Variants in LIN28B observed in about 807,000 individuals in gnomAD.
LIN28B encodes the protein lin-28 RNA binding posttranscriptional regulator B.
In LIN28B, 5 loss-of-function variants were observed where a neutral mutation model predicts 21.9. The observed-to-expected ratio is 0.23, with a 90% confidence interval of 0.12 to 0.48. The LOEUF (loss-of-function observed/expected upper bound fraction) is 0.48, where lower values mean the gene tolerates loss of function less well. Among genes scored for constraint, LIN28B ranks in the 20% least tolerant of loss-of-function variants. The pLI, the probability that LIN28B is intolerant of heterozygous loss-of-function variation, is 0.98. For missense variants in LIN28B, 245 were observed against 310.5 expected (o/e 0.79, Z 1.58); for synonymous variants, 109 against 111.3 (o/e 0.98, Z 0.13).
At chr6:104,980,657 C>A (rs1770200554) in intron 2 of LIN28B, among the ~76,000 whole-genome samples, 1 of 152,024 alleles carries the variant, frequency 6.6e-6, no homozygotes, top group South Asian at 2.1e-4. Context: ...AGCCTTTATG[C>A]CTTTTGTAAA....
intron 3 of LIN28B, among the ~76,000 whole-genome samples, chr6:105,038,895 A>G (rs941692144): frequency 1.3e-5 from 2 of 152,232 alleles, no homozygotes; most frequent in Non-Finnish European, 2.9e-5. Context: ...CAGAAATTTC[A>G]AAGTCTGACA....
At chr6:104,978,149 T>C (rs142010354) in intron 2 of LIN28B, among the ~76,000 whole-genome samples, 3,244 of 152,354 alleles carry the variant, frequency 0.021, 52 homozygotes, top group Middle Eastern at 0.048. Flanking sequence ...AGTTTTGGGC[T>C]ACTGCCCCCC....
Position 105,080,110 on chromosome 6 carries a change from T to A in LIN28B, c.*1327T>A, listed in dbSNP as rs1211369661. 2.0e-5 allele frequency: 3 copies of A among 152,452 alleles called. No homozygotes were observed. The highest frequency in any genetic ancestry group is 4.4e-5 in the Non-Finnish European group (3 of 68,042). The allele number at this position is 152,452 out of a possible 1,614,324, so 9.4% of individuals were successfully genotyped here. ...TATATGGTGGATACAGGATGAACAT[T>A]CAGTGCCAGGGAGAATCTTCTCAGG... On this transcript the variant is annotated 3_prime_UTR_variant, in exon 4 of 4. Transcript: ENST00000345080.
intron 3 of LIN28B, among the ~76,000 whole-genome samples, chr6:105,046,212 T>C (rs1052528756): frequency 1.3e-5 from 2 of 152,124 alleles, no homozygotes; most frequent in Non-Finnish European, 2.9e-5. Context: ...TTCCCCTTCT[T>C]GTGTCCAAGT....
chr6:105,013,274 C>T (rs1264050781), intron 2 of LIN28B, among the ~76,000 whole-genome samples: 5 of 151,760 alleles, frequency 3.3e-5, no homozygotes, highest in Non-Finnish European at 5.9e-5. Context: ...GCCTCCCAAA[C>T]TGCTGGGATT....
chr6:104,966,618 GA>G (rs1340959566), intron 2 of LIN28B, among the ~76,000 whole-genome samples: 1 of 131,180 alleles, frequency 7.6e-6, no homozygotes, highest in African/African-American at 3.1e-5. Flanking sequence ...ATGCCCGGCT[GA>G]TTTTTTTTTT....
At chr6:104,963,958 G>A (rs1769805546) in intron 2 of LIN28B, among the ~76,000 whole-genome samples, 1 of 152,074 alleles carries the variant, frequency 6.6e-6, no homozygotes, top group Non-Finnish European at 1.5e-5. Flanking sequence ...AGAGTTCTTA[G>A]GTTTCATGAG....
chr6:104,968,524 A>T (rs1390599189), intron 2 of LIN28B, among the ~76,000 whole-genome samples: 1 of 152,174 alleles, frequency 6.6e-6, no homozygotes, highest in Non-Finnish European at 1.5e-5. Flanking sequence ...AAACCCACTT[A>T]AATTTATTAC....
chr6:104,969,909 CA>C (rs1221597058), intron 2 of LIN28B, among the ~76,000 whole-genome samples: 1 of 152,168 alleles, frequency 6.6e-6, no homozygotes, highest in African/African-American at 2.4e-5. Flanking sequence ...CAGGTTTAAA[CA>C]AACACAAAAC....
intron 2 of LIN28B, among the ~76,000 whole-genome samples, chr6:105,002,611 G>A (rs1390762096): frequency 1.3e-5 from 2 of 152,198 alleles, no homozygotes; most frequent in African/African-American, 2.4e-5. Flanking sequence ...CTTGGACAGA[G>A]CAAATATAGA....
intron 2 of LIN28B, among the ~76,000 whole-genome samples, chr6:104,945,832 T>C (rs1022573770): frequency 6.6e-6 from 1 of 152,124 alleles, no homozygotes; most frequent in Non-Finnish European, 1.5e-5. Context: ...TGCCATAATA[T>C]TGCCTTTAAA....
chr6:105,058,100 A>AT, intron 3 of LIN28B: 1 of 410,566 alleles, frequency 2.4e-6, no homozygotes, highest in South Asian at 1.8e-5. Flanking sequence ...TTGACGGTGC[A>AT]TTTTCTCTGA....
At chr6:105,028,723 A>G (rs151155457) in intron 3 of LIN28B, among the ~76,000 whole-genome samples, 19 of 152,308 alleles carry the variant, frequency 1.2e-4, no homozygotes, top group African/African-American at 4.1e-4. Flanking sequence ...CATCCAAGTG[A>G]AGATGTATAT....
Position 105,080,101 on chromosome 6 carries a change from G to A in LIN28B, c.*1318G>A, listed in dbSNP as rs144987775. 7 of 152,556 alleles carry A rather than the reference G, an allele frequency of 4.6e-5. No homozygotes were observed. The East Asian group carries it at 1.4e-3, about 29-fold the overall frequency. 9.5% of individuals were successfully genotyped at this position (152,556 alleles called of 1,614,324 possible). A position where few individuals can be genotyped will look rare whatever the true frequency, so the allele number is the denominator to read the frequency against. On this transcript the variant is annotated 3_prime_UTR_variant, in exon 4 of 4. Transcript: ENST00000345080. ...GAAGTAACCTATATGGTGGATACAG[G>A]ATGAACATTCAGTGCCAGGGAGAAT...
rs1307911592 is a variant in LIN28B, at chr6:105,080,691, ACAAAT to A, written c.*1913_*1917del. 6.5e-6 allele frequency: 1 copy of A among 152,676 alleles called. No homozygotes were observed. Among genetic ancestry groups the A allele is most frequent in the African/African-American group, 2.4e-5 (1 of 41,464 alleles). 9.5% of individuals were successfully genotyped at this position (152,676 alleles called of 1,614,324 possible). On this transcript the variant is annotated 3_prime_UTR_variant, in exon 4 of 4. Transcript: ENST00000345080. ...TTTCAAACTTATTTAAATTATGTAG[ACAAAT>A]CAAAGTGGCATTGCTTAATTTTTAG...
At chr6:105,056,743 C>T (rs901809837) in intron 3 of LIN28B, among the ~76,000 whole-genome samples, 6 of 152,168 alleles carry the variant, frequency 3.9e-5, no homozygotes, top group African/African-American at 1.4e-4. Context: ...TCTCCAGTAT[C>T]CTGTCCCAAG....
At chr6:105,037,639 A>G (rs1436538937) in intron 3 of LIN28B, among the ~76,000 whole-genome samples, 2 of 151,514 alleles carry the variant, frequency 1.3e-5, no homozygotes. Context: ...CAGCCTCCCA[A>G]GCAGCTGGGA....
At chr6:105,017,640 C>A (rs1771055933) in intron 2 of LIN28B, among the ~76,000 whole-genome samples, 1 of 151,480 alleles carries the variant, frequency 6.6e-6, no homozygotes, top group Non-Finnish European at 1.5e-5. Context: ...AATGAGGGAG[C>A]AGAAAACCAA....
chr6:105,036,355 CA>C (rs937068393), intron 3 of LIN28B, among the ~76,000 whole-genome samples: 1 of 152,096 alleles, frequency 6.6e-6, no homozygotes, highest in African/African-American at 2.4e-5. Flanking sequence ...TTAGTAAAAC[CA>C]GTAGAATACC....
Sources: gnomAD v4.1 joint callset for allele counts (sites outside exome capture counted in the v4.1 genomes callset) on GRCh38, gnomAD v4.1.1 for gene constraint, MANE v1.5 for transcripts, NCBI Gene and HGNC (gene_info 2026-07-23, HGNC 2026-07-21) for gene names.